HDAC1: variants seen among roughly 807,000 people sequenced by gnomAD.
HDAC1 encodes the protein protein deacetylase HDAC1.
HDAC1 carries 18 observed loss-of-function variants against 65.5 expected under a neutral mutation model. That is an observed-to-expected ratio of 0.27 (90% CI 0.19 to 0.41). The LOEUF is 0.41. HDAC1 is among the 10% of genes least tolerant of loss of function. The pLI, the probability that HDAC1 is intolerant of heterozygous loss-of-function variation, is 1.00. For synonymous variants in HDAC1, 211 were observed against 227.9 expected (o/e 0.93, Z 0.67); for missense variants, 373 against 625.2 (o/e 0.60, Z 4.30).
Position 32,330,737 on chromosome 1 carries a change from C to T in HDAC1, c.839-31C>T, listed in dbSNP as rs769069282. 1.2e-6 allele frequency: 2 copies of T among 1,613,940 alleles called. No homozygotes were observed. Among genetic ancestry groups the T allele is most frequent in the African/African-American group, 1.3e-5 (1 of 74,916 alleles). ...GTGGGCGGGGTCCTGCTTGGTGCTC[C>T]TGTAACTCAGCACCCCTTCTCCCAC... is the stretch of plus-strand genomic sequence containing the variant. On this transcript the variant is annotated intron_variant, in intron 8 of 13. Coordinates refer to ENST00000373548, the MANE Select transcript of HDAC1 (RefSeq NM_004964.3). The surrounding 1 kb of genome is among the most constrained non-coding windows in gnomAD (Gnocchi z 4.2).
intron 1 of HDAC1, among the ~76,000 whole-genome samples, chr1:32,297,519 A>G (rs1414219608): frequency 6.6e-6 from 1 of 152,178 alleles, no homozygotes; most frequent in African/African-American, 2.4e-5. Flanking sequence ...TAATGGCACC[A>G]CTGCACTCAG....
chr1:32,302,483 C>G, intron 1 of HDAC1, 138 bp from the exon 2 acceptor site: 1 of 425,200 alleles, frequency 2.4e-6, no homozygotes, highest in Non-Finnish European at 4.4e-6. Flanking sequence ...AGTTACCCTT[C>G]AAAAGGTGGG....
intron 2 of HDAC1, among the ~76,000 whole-genome samples, chr1:32,312,070 T>C (rs1002855937): frequency 5.5e-4 from 84 of 151,740 alleles, no homozygotes; most frequent in African/African-American, 1.8e-3. Context: ...GGCCTTGAAC[T>C]CCTGGGCTCA....
At chr1:32,300,912 T>C (rs1472664216) in intron 1 of HDAC1, among the ~76,000 whole-genome samples, 1 of 152,214 alleles carries the variant, frequency 6.6e-6, no homozygotes, top group Admixed American at 6.5e-5. Flanking sequence ...GCCACTGTAG[T>C]GTGAAAACAG....
At chr1:32,317,176 A>G (rs1045232751) in intron 3 of HDAC1, among the ~76,000 whole-genome samples, 1 of 152,152 alleles carries the variant, frequency 6.6e-6, no homozygotes, top group Non-Finnish European at 1.5e-5. Context: ...TTTCTGTCCA[A>G]CTGTAACTGT....
At position 32,329,449 on chromosome 1, in the gene HDAC1, A is replaced by T; in HGVS notation, c.729+289A>T. 1 of 524,930 alleles carries T rather than the reference A, an allele frequency of 1.9e-6. No individual in the cohort carries two copies. The highest frequency in any genetic ancestry group is 3.4e-6 in the Non-Finnish European group (1 of 290,460). 32.5% of individuals were successfully genotyped at this position (524,930 alleles called of 1,614,324 possible). ...GCAGGCACATACCCAGTAGTCTATG[A>T]TTAGTACTGTTTTTGTATCTCCATT... On this transcript the variant is annotated intron_variant, in intron 7 of 13. Coordinates refer to ENST00000373548, the MANE Select transcript of HDAC1 (RefSeq NM_004964.3). This position sits in a 1 kb window ranked among gnomAD's most constrained non-coding sequence, Gnocchi z 4.1.
rs1184745430 is a variant in HDAC1, at chr1:32,327,458, G to A, written c.495-78G>A. On this transcript the variant is annotated intron_variant, in intron 5 of 13. Transcript: ENST00000373548. This position sits in a 1 kb window ranked among gnomAD's most constrained non-coding sequence, Gnocchi z 6.0. ...GATACCTGAGGGAGGCAGCCAGCCC[G>A]GTAAGCTGGGAGCTAGCGCCCTTGG... The A allele has an allele frequency of 2.1e-5, 23 of 1,098,732 alleles. No individual in the cohort carries two copies. The highest frequency in any genetic ancestry group is 7.1e-5 in the East Asian group (3 of 42,290). 68.1% of individuals were successfully genotyped at this position (1,098,732 alleles called of 1,614,324 possible).
intron 3 of HDAC1, 61 bp from the exon 4 acceptor site, chr1:32,324,418 C>T (rs2148068953): frequency 8.8e-7 from 1 of 1,130,138 alleles, no homozygotes; most frequent in Middle Eastern, 2.0e-4. Context: ...TTTCCATCAG[C>T]TCATAAATAT....
chr1:32,316,834 T>G (rs1197320179), intron 3 of HDAC1, 52 bp downstream of exon 3: 1 of 1,141,612 alleles, frequency 8.8e-7, no homozygotes, highest in Non-Finnish European at 1.3e-6. Context: ...GCATCTCCCT[T>G]TCCACTGTAG....
Position 32,331,097 on chromosome 1 carries a change from C to T in HDAC1, c.979+189C>T, listed in dbSNP as rs981578270. On this transcript the variant is annotated intron_variant, in intron 9 of 13. Transcript: ENST00000373548. The surrounding 1 kb of genome is among the most constrained non-coding windows in gnomAD (Gnocchi z 4.2). ...ACTTTTTCCCTAGTCCTTTTTAGCTCTCTCCCCTCTCCCTCCTGCTTTTGG... is the reference window on the plus strand; with the variant it reads ...ACTTTTTCCCTAGTCCTTTTTAGCTTTCTCCCCTCTCCCTCCTGCTTTTGG... 9.9e-5 allele frequency among the ~76,000 whole-genome samples: 15 copies of T among 152,120 alleles called. 1 individual carries two copies. Among genetic ancestry groups the T allele is most frequent in the Admixed American group, 9.2e-4 (14 of 15,274 alleles).
At position 32,331,418 on chromosome 1, in the gene HDAC1, A is replaced by T. The variant is rs1641289692; in HGVS notation, c.980-56A>T. 5.0e-6 allele frequency: 5 copies of T among 996,800 alleles called. No individual in the cohort carries two copies. Among genetic ancestry groups the T allele is most frequent in the Non-Finnish European group, 8.1e-6 (5 of 619,726 alleles). The allele number at this position is 996,800 out of a possible 1,614,324, so 61.7% of individuals were successfully genotyped here. A position where few individuals can be genotyped will look rare whatever the true frequency, so the allele number is the denominator to read the frequency against. Reference sequence around the variant, plus strand: ...AATGCTTTAGGGTGCTTACGTGCAAATGGTTAGGGTGCGGTGGCCAGGTCT... The same window carrying T: ...AATGCTTTAGGGTGCTTACGTGCAATTGGTTAGGGTGCGGTGGCCAGGTCT... On this transcript the variant is annotated intron_variant, in intron 9 of 13. Transcript: ENST00000373548. This position sits in a 1 kb window ranked among gnomAD's most constrained non-coding sequence, Gnocchi z 4.2.
chr1:32,303,825 G>A (rs1383602161), intron 2 of HDAC1, among the ~76,000 whole-genome samples: 1 of 152,124 alleles, frequency 6.6e-6, no homozygotes, highest in Non-Finnish European at 1.5e-5. Context: ...TTGCACCACT[G>A]CACTCCAGCC....
At chr1:32,304,936 C>T (rs1045899643) in intron 2 of HDAC1, among the ~76,000 whole-genome samples, 5 of 151,828 alleles carry the variant, frequency 3.3e-5, no homozygotes, top group East Asian at 1.9e-4. Context: ...GGTGTCAAAC[C>T]CCTGGCCTCA....
chr1:32,304,824 A>G (rs1021402722), intron 2 of HDAC1, among the ~76,000 whole-genome samples: 12 of 152,242 alleles, frequency 7.9e-5, no homozygotes, highest in Non-Finnish European at 1.0e-4. Context: ...TCGGCCTCCC[A>G]AAGTGCTGGG....
intron 1 of HDAC1, among the ~76,000 whole-genome samples, chr1:32,299,589 T>C (rs1640817816): frequency 1.3e-5 from 2 of 152,194 alleles, no homozygotes; most frequent in Admixed American, 1.3e-4. Flanking sequence ...GGATCAAGGC[T>C]CATGCCTTTT....
chr1:32,300,564 TA>T (rs573816347), intron 1 of HDAC1, among the ~76,000 whole-genome samples: 46 of 136,144 alleles, frequency 3.4e-4, no homozygotes, highest in African/African-American at 4.1e-4. Context: ...TCTCAAGAAA[TA>T]AAAAAAAAAA....
intron 2 of HDAC1, among the ~76,000 whole-genome samples, chr1:32,315,913 C>G (rs992344290): frequency 8.6e-5 from 13 of 150,378 alleles, no homozygotes; most frequent in African/African-American, 3.2e-4. Flanking sequence ...TGCAGTGAGT[C>G]GAGATCATGC....
At chr1:32,313,163 T>G (rs182877643) in intron 2 of HDAC1, among the ~76,000 whole-genome samples, 114 of 152,030 alleles carry the variant, frequency 7.5e-4, no homozygotes, top group African/African-American at 2.6e-3. Context: ...TGGCATGATC[T>G]CAGCTCAATG....
At chr1:32,310,224 G>A (rs566807091) in intron 2 of HDAC1, among the ~76,000 whole-genome samples, 4 of 152,114 alleles carry the variant, frequency 2.6e-5, no homozygotes, top group Non-Finnish European at 4.4e-5. Flanking sequence ...ACTGACTGGC[G>A]CTTATGAGTG....
Sources: gnomAD v4.1 joint callset for allele counts (sites outside exome capture counted in the v4.1 genomes callset) on GRCh38, gnomAD v4.1.1 for gene constraint, Gnocchi (gnomAD v3.1) non-coding constraint, MANE v1.5 for transcripts, NCBI Gene and HGNC (gene_info 2026-07-23, HGNC 2026-07-21) for gene names.